The following SOBP variants were observed in gnomAD, a reference collection of about 807,000 sequenced individuals.
SOBP encodes the protein sine oculis-binding protein homolog.
SOBP carries 4 observed loss-of-function variants against 53.6 expected under a neutral mutation model. The ratio of observed to expected loss-of-function variants is 0.07; its 90% CI spans 0.04 to 0.17. The LOEUF is 0.17. Among genes scored for constraint, SOBP ranks in the 10% least tolerant of loss-of-function variants. The pLI, the probability that SOBP is intolerant of heterozygous loss-of-function variation, is 1.00. For missense variants in SOBP, 1,088 were observed against 1,204.7 expected (o/e 0.90, Z 1.43); for synonymous variants, 584 against 522.6 (o/e 1.12, Z -1.60).
At chr6:107,522,558 T>TTC in intron 3 of SOBP, among the ~76,000 whole-genome samples, 1 of 149,836 alleles carries the variant, frequency 6.7e-6, no homozygotes. Flanking sequence ...TTTTTTTTTT[T>TTC]TGTGGCAAGG....
At chr6:107,653,077 T>G (rs1771875198) in intron 6 of SOBP, among the ~76,000 whole-genome samples, 2 of 152,198 alleles carry the variant, frequency 1.3e-5, no homozygotes, top group South Asian at 4.1e-4. Flanking sequence ...CGTATCTTCA[T>G]CAGTTAATGA....
At chr6:107,560,700 A>G (rs982674697) in intron 4 of SOBP, among the ~76,000 whole-genome samples, 4 of 152,124 alleles carry the variant, frequency 2.6e-5, no homozygotes, top group Non-Finnish European at 4.4e-5. Context: ...GGCAACTGAG[A>G]CTCAGAGAAC....
At chr6:107,563,763 A>G (rs1035829748) in intron 4 of SOBP, among the ~76,000 whole-genome samples, 1 of 152,100 alleles carries the variant, frequency 6.6e-6, no homozygotes, top group Non-Finnish European at 1.5e-5. Flanking sequence ...CCCTTTCCAC[A>G]TGGCTTTGGC....
chr6:107,530,810 A>C (rs1306819380), intron 3 of SOBP, among the ~76,000 whole-genome samples: 3 of 152,246 alleles, frequency 2.0e-5, no homozygotes, highest in African/African-American at 4.8e-5. Flanking sequence ...CAGATATAAA[A>C]GTGCACAATG....
At chr6:107,630,391 T>C (rs34848991) in intron 5 of SOBP, among the ~76,000 whole-genome samples, 5,049 of 152,268 alleles carry the variant, frequency 0.033, 224 homozygotes, top group African/African-American at 0.1. Flanking sequence ...TGTTGTTTTA[T>C]TAAAGAGAGA....
chr6:107,630,022 G>C (rs1347700109), intron 5 of SOBP, among the ~76,000 whole-genome samples: 1 of 152,144 alleles, frequency 6.6e-6, no homozygotes, highest in African/African-American at 2.4e-5. Context: ...TGGTTGTTGG[G>C]TCCCCAGATT....
At chr6:107,530,851 T>C (rs915080955) in intron 3 of SOBP, among the ~76,000 whole-genome samples, 2 of 152,254 alleles carry the variant, frequency 1.3e-5, no homozygotes, top group Non-Finnish European at 2.9e-5. Context: ...TGTTGCTTTG[T>C]AGTAAGAATG....
Position 107,634,437 on chromosome 6 carries a change from G to A in SOBP, c.1593G>A (p.Val531=), listed in dbSNP as rs777884579. ...PTLLVPYPVI[V]PLPVPIPIPI... ...TGCTCGTGCCGTACCCCGTGATCGT[G>A]CCCCTACCGGTGCCCATCCCCATCC... is the stretch of plus-strand genomic sequence containing the variant. Residue 531 remains valine (V), a synonymous_variant, in exon 6 of 7, where the codon GTG becomes GTA. Transcript: ENST00000317357. This position sits in a 1 kb window ranked among gnomAD's most constrained non-coding sequence, Gnocchi z 4.5. 1.8e-5 allele frequency: 29 copies of A among 1,608,128 alleles called. No homozygotes were observed. The highest frequency in any genetic ancestry group is 1.6e-4 in the Middle Eastern group (1 of 6,084).
At chr6:107,610,825 T>A (rs371027066) in intron 5 of SOBP, among the ~76,000 whole-genome samples, 1 of 143,696 alleles carries the variant, frequency 7.0e-6, no homozygotes, top group Non-Finnish European at 1.5e-5. Context: ...CACACACACA[T>A]ACACACACCA....
At chr6:107,630,996 G>T (rs1770692669) in intron 5 of SOBP, among the ~76,000 whole-genome samples, 1 of 152,170 alleles carries the variant, frequency 6.6e-6, no homozygotes. Flanking sequence ...AATTGGGATA[G>T]ATCTATGAGC....
chr6:107,524,280 T>C (rs1783597068), intron 3 of SOBP, among the ~76,000 whole-genome samples: 1 of 152,130 alleles, frequency 6.6e-6, no homozygotes, highest in Non-Finnish European at 1.5e-5. Flanking sequence ...GCTTATCACG[T>C]TCATTTGTGG....
At chr6:107,529,026 G>A (rs144038849) in intron 3 of SOBP, among the ~76,000 whole-genome samples, 2,062 of 152,238 alleles carry the variant, frequency 0.014, 24 homozygotes, top group Non-Finnish European at 0.021. Context: ...TGCATTGTGC[G>A]GGCACCTGCG....
intron 4 of SOBP, among the ~76,000 whole-genome samples, chr6:107,577,288 G>A (rs1159192254): frequency 6.6e-6 from 1 of 152,238 alleles, no homozygotes; most frequent in African/African-American, 2.4e-5. Context: ...CCATCGACCT[G>A]CTCAGAGCTA....
intron 4 of SOBP, among the ~76,000 whole-genome samples, chr6:107,578,478 G>T (rs1785304413): frequency 2.0e-5 from 3 of 152,196 alleles, no homozygotes. Context: ...GAGCCAGACT[G>T]CCTGGGTTTG....
At chr6:107,573,504 C>A (rs1785136826) in intron 4 of SOBP, among the ~76,000 whole-genome samples, 1 of 152,156 alleles carries the variant, frequency 6.6e-6, no homozygotes, top group Non-Finnish European at 1.5e-5. Context: ...CAACAAATTT[C>A]TGAAATGGAT....
chr6:107,564,168 T>C (rs750695801), intron 4 of SOBP, among the ~76,000 whole-genome samples: 3 of 152,196 alleles, frequency 2.0e-5, no homozygotes, highest in Non-Finnish European at 4.4e-5. Flanking sequence ...GTATCCATAT[T>C]GTGAGCTGTA....
intron 5 of SOBP, among the ~76,000 whole-genome samples, chr6:107,623,523 A>G (rs1770315772): frequency 6.6e-6 from 1 of 151,856 alleles, no homozygotes; most frequent in South Asian, 2.1e-4. Context: ...AGTCAGGGGG[A>G]GAGAGAGAGA....
In SOBP at chr6:107,635,040, C is replaced by G. The variant is rs1345218422; in HGVS notation, c.2196C>G (p.Ala732=). 14 of 1,275,352 alleles carry G rather than the reference C, an allele frequency of 1.1e-5. No homozygotes were observed. Among genetic ancestry groups the G allele is most frequent in the Non-Finnish European group, 1.3e-5 (13 of 1,011,640 alleles). 79.0% of individuals were successfully genotyped at this position (1,275,352 alleles called of 1,614,324 possible). A position where few individuals can be genotyped will look rare whatever the true frequency, so the allele number is the denominator to read the frequency against. The change falls in exon 6 of 7, where the codon GCC becomes GCG. Residue 732 remains alanine, a synonymous_variant. Coordinates refer to ENST00000317357, the MANE Select transcript of SOBP (RefSeq NM_018013.4). The surrounding 1 kb of genome is among the most constrained non-coding windows in gnomAD (Gnocchi z 4.5). ...VIVNGTRGAA[A]EGAKSAEPPP... Reference sequence around the variant, plus strand: ...TGAACGGCACGCGCGGCGCCGCCGCCGAGGGCGCTAAGAGCGCGGAGCCGC... The same window carrying G: ...TGAACGGCACGCGCGGCGCCGCCGCGGAGGGCGCTAAGAGCGCGGAGCCGC...
intron 4 of SOBP, among the ~76,000 whole-genome samples, chr6:107,563,251 C>T (rs1784822010): frequency 6.6e-6 from 1 of 152,064 alleles, no homozygotes; most frequent in Admixed American, 6.6e-5. Flanking sequence ...AGTGAGACCC[C>T]ATCGCAAACA....
Sources: allele counts gnomAD v4.1 joint callset (sites outside exome capture counted in the v4.1 genomes callset), GRCh38; gene constraint gnomAD v4.1.1; non-coding constraint Gnocchi (gnomAD v3.1); transcripts MANE v1.5; gene names NCBI Gene and HGNC (gene_info 2026-07-23, HGNC 2026-07-21).